Variants in DSC3 observed in about 807,000 individuals in gnomAD.
DSC3 encodes the protein desmocollin 3.
Under a neutral mutation model 89.5 loss-of-function variants are expected in DSC3, and 97 were observed. That is an observed-to-expected ratio of 1.08 (90% CI 0.92 to 1.28). The LOEUF is 1.28. Among genes scored for constraint, DSC3 ranks in the 50% most tolerant of loss-of-function variants. The pLI is 0.00. For synonymous variants in DSC3, 436 were observed against 384.1 expected, an observed-to-expected ratio of 1.14 and a Z score of -1.58; for missense variants, 1,199 against 1,085.3, an observed-to-expected ratio of 1.10 and a Z score of -1.47.
chr18:30,994,823 C>T (rs1984402617), intron 15 of DSC3, among the ~76,000 whole-genome samples: 1 of 152,054 alleles, frequency 6.6e-6, no homozygotes, highest in Non-Finnish European at 1.5e-5. Flanking sequence ...CAGTGACCAC[C>T]TAACAAGATT....
At position 31,032,295 on chromosome 18, in the gene DSC3, C is replaced by T. The variant is rs1280232014; in HGVS notation, c.70-19G>A. ...TGAAGATCTAGAATTTAAAAGGTCA[C>T]ATTAATACAGTAGAAAATAAAGATT... On this transcript the variant is annotated intron_variant, in intron 1 of 15. Transcript: ENST00000360428. The T allele has an allele frequency of 6.4e-7, 1 of 1,553,646 alleles. No homozygotes were observed.
In DSC3 at chr18:31,007,151, G is replaced by T. The variant is rs563588713; in HGVS notation, c.1664-20C>A. The T allele has an allele frequency of 5.7e-6, 9 of 1,565,484 alleles. 1 individual carries two copies. In the South Asian group the frequency reaches 7.8e-5, roughly 14 times the overall value. On this transcript the variant is annotated intron_variant, in intron 11 of 15. Transcript: ENST00000360428. ...TATCATCTAAGGAGACAGGAATAAG[G>T]TTTAGTGTTATTTTAAAATTCTTTC...
chr18:31,004,334 C>T lies in DSC3; in HGVS notation c.1921G>A (p.Ala641Thr). 6.2e-7 allele frequency: 1 copy of T among 1,613,840 alleles called. No individual in the cohort carries two copies. The highest frequency in any genetic ancestry group is 1.3e-5 in the African/African-American group (1 of 75,012). ...GGAATGGTATATTCTTGAAATCCAG[C>T]ATTTTTCTGATATGAAAGACGGGCA... The part of the protein sequence containing the change: ...TAARLSYQKN[A>T]GFQEYTIPIT... The change falls in exon 13 of 16, where the codon GCT (alanine) becomes ACT (threonine). Residue 641 changes from alanine (A) to threonine (T), a missense_variant. Ala to Thr is a moderately conservative substitution (Grantham distance 58). Transcript: ENST00000360428.
intron 4 of DSC3, among the ~76,000 whole-genome samples, chr18:31,027,562 A>G (rs944807219): frequency 2.6e-5 from 4 of 151,434 alleles, no homozygotes; most frequent in Non-Finnish European, 5.9e-5. Flanking sequence ...GTGTTACAAA[A>G]TAAGATACAG....
At chr18:30,998,811 GT>G (rs1984559406) in intron 14 of DSC3, among the ~76,000 whole-genome samples, 1 of 152,104 alleles carries the variant, frequency 6.6e-6, no homozygotes, top group Non-Finnish European at 1.5e-5. Context: ...TCACAGCAAG[GT>G]AAGAATGGGT....
At position 30,993,436 on chromosome 18, in the gene DSC3, A is replaced by T. The variant is rs1348563892; in HGVS notation, c.*739T>A. 1 of 152,128 alleles carries T rather than the reference A, an allele frequency of 6.6e-6. No individual in the cohort carries two copies. The highest frequency in any genetic ancestry group is 1.5e-5 in the Non-Finnish European group (1 of 68,024). The allele number at this position is 152,128 out of a possible 1,614,324, so 9.4% of individuals were successfully genotyped here. A position where few individuals can be genotyped will look rare whatever the true frequency, so the allele number is the denominator to read the frequency against. Reference sequence around the variant, plus strand: ...TTGGACAGGAACTATTTCCTCATAGACTCAGTTATAATGCAGCATTTAAGA... The same window carrying T: ...TTGGACAGGAACTATTTCCTCATAGTCTCAGTTATAATGCAGCATTTAAGA... On this transcript the variant is annotated 3_prime_UTR_variant, in exon 16 of 16. Coordinates refer to ENST00000360428, the MANE Select transcript of DSC3 (RefSeq NM_001941.5).
At chr18:31,008,245 A>T (rs1984928213) in intron 10 of DSC3, 24 bp downstream of exon 10, 1 of 1,613,002 alleles carries the variant, frequency 6.2e-7, no homozygotes. Context: ...CATTATTAGT[A>T]TGTGGTTATA....
At chr18:30,997,794 A>G (rs1307847235) in intron 14 of DSC3, among the ~76,000 whole-genome samples, 3 of 152,206 alleles carry the variant, frequency 2.0e-5, no homozygotes, top group Admixed American at 2.0e-4. Flanking sequence ...TAGGTGGAAT[A>G]GAACAGGTAA....
Position 31,008,431 on chromosome 18 carries a change from A to C in DSC3, c.1358T>G (p.Leu453Trp), listed in dbSNP as rs1984942291. 2.5e-6 allele frequency: 4 copies of C among 1,614,166 alleles called. No homozygotes were observed. The highest frequency in any genetic ancestry group is 3.4e-6 in the Non-Finnish European group (4 of 1,180,004). Residue 453 changes from leucine (L) to tryptophan (W), a missense_variant, in exon 10 of 16, where the codon TTG becomes TGG. Physicochemically the swap from Leu to Trp is moderately conservative, Grantham distance 61. Coordinates refer to ENST00000360428, the MANE Select transcript of DSC3 (RefSeq NM_001941.5). ...FARDIPRVTA[L>W]NRALVTVHVR... The stretch of plus-strand genomic sequence containing the variant: ...ATGAACTGTAACCAAGGCTCTGTTC[A>C]AGGCTGTCACTCTGGGAATATCTCT...
chr18:31,029,369 T>G, intron 4 of DSC3, 140 bp downstream of exon 4: 2 of 1,071,606 alleles, frequency 1.9e-6, no homozygotes, highest in Non-Finnish European at 2.7e-6. Context: ...GTAATTTTCT[T>G]TCTCATTTTA....
At position 31,008,161 on chromosome 18, in the gene DSC3, G is replaced by GT. The variant is rs752732451; in HGVS notation, c.1521-4dup. 1.2e-6 allele frequency: 2 copies of GT among 1,606,652 alleles called. No homozygotes were observed. On this transcript the variant is annotated splice_region_variant and splice_polypyrimidine_tract_variant and intron_variant, in intron 10 of 15. Transcript: ENST00000360428. ...TAGGATCATGCAATTTTTTGTACCTGTTAATAAAAAAAAAATAGTCTTTAG... is the reference window on the plus strand; with the variant it reads ...TAGGATCATGCAATTTTTTGTACCTGTTTAATAAAAAAAAAATAGTCTTTAG...
intron 6 of DSC3, among the ~76,000 whole-genome samples, chr18:31,023,805 T>G (rs1282206958): frequency 2.0e-5 from 3 of 152,114 alleles, no homozygotes; most frequent in Non-Finnish European, 4.4e-5. Context: ...TAAGAGCAAG[T>G]GTTTAGAATA....
At position 31,001,695 on chromosome 18, in the gene DSC3, C is replaced by G. The variant is rs760522796; in HGVS notation, c.2158G>C (p.Gly720Arg). The G allele has an allele frequency of 3.1e-6, 5 of 1,610,106 alleles. No individual in the cohort carries two copies. The highest frequency in any genetic ancestry group is 1.7e-6 in the Non-Finnish European group (2 of 1,178,108). Residue 720 changes from glycine to arginine, a missense_variant, in exon 14 of 16, where the codon GGG becomes CGG. Physicochemically the swap from Gly to Arg is moderately radical, Grantham distance 125. Coordinates refer to ENST00000360428, the MANE Select transcript of DSC3 (RefSeq NM_001941.5). ...LVCGVFGATK[G>R]KRFPEDLAQQ... ...GCTAAATCTTCAGGAAAACGTTTCC[C>G]TTTAGTTGCACCAAAAACTCCACAT...
rs758423173 is a variant in DSC3 at position 30,996,949 on chromosome 18, T to C, written c.2335A>G (p.Ile779Val). ...TGGTTTCCTCCTTTCATCATTTCAA[T>C]GGTTTCCTGCCCTCCATTTTTCATT... ...SGMKNGGQET[I>V]EMMKGGNQTL... The change falls in exon 15 of 16, where the codon ATT (isoleucine) becomes GTT (valine). Residue 779 changes from isoleucine to valine, a missense_variant. Ile to Val is a conservative substitution (Grantham distance 29). Transcript: ENST00000360428. The C allele has an allele frequency of 6.2e-6, 10 of 1,614,142 alleles. No homozygotes were observed. Among genetic ancestry groups the C allele is most frequent in the South Asian group, 2.2e-5 (2 of 91,078 alleles).
chr18:31,023,458 T>A (rs759360782), intron 6 of DSC3, among the ~76,000 whole-genome samples: 4 of 152,166 alleles, frequency 2.6e-5, no homozygotes, highest in Non-Finnish European at 5.9e-5. Context: ...AAAATTTATT[T>A]AAAAAGAAAC....
intron 9 of DSC3, among the ~76,000 whole-genome samples, chr18:31,012,317 G>A (rs1027408429): frequency 2.0e-5 from 3 of 152,204 alleles, no homozygotes; most frequent in East Asian, 1.9e-4. Context: ...AGATCCTCTT[G>A]TGCAAATGAA....
At chr18:31,035,181 G>A (rs147246198) in intron 1 of DSC3, among the ~76,000 whole-genome samples, 125 of 151,902 alleles carry the variant, frequency 8.2e-4, no homozygotes, top group African/African-American at 2.8e-3. Context: ...TTTAACTCAC[G>A]GTAACATAAC....
chr18:31,034,587 C>T (rs1018986049), intron 1 of DSC3, among the ~76,000 whole-genome samples: 2 of 152,146 alleles, frequency 1.3e-5, no homozygotes, highest in African/African-American at 2.4e-5. Context: ...ACAGTACATA[C>T]CATTATTCAC....
At chr18:31,007,989 A>G (rs752419768) in intron 11 of DSC3, 27 bp downstream of exon 11, 10 of 1,568,626 alleles carry the variant, frequency 6.4e-6, no homozygotes, top group Non-Finnish European at 8.8e-6. Context: ...TCCTTTATAG[A>G]ATACCAGATT....
Sources: gnomAD v4.1 joint callset for allele counts (sites outside exome capture counted in the v4.1 genomes callset) on GRCh38, gnomAD v4.1.1 for gene constraint, MANE v1.5 for transcripts, NCBI Gene and HGNC (gene_info 2026-07-23, HGNC 2026-07-21) for gene names.